The following BSPRY variants were observed in gnomAD, a reference collection of about 807,000 sequenced individuals.
BSPRY encodes the protein B-box and SPRY domain containing.
A neutral mutation model predicts 38.0 loss-of-function variants in BSPRY; 33 were observed. That is an observed-to-expected ratio of 0.87 (90% CI 0.66 to 1.16). BSPRY has a LOEUF of 1.16. BSPRY is among the 50% of genes most tolerant of loss of function. The probability of loss-of-function intolerance (pLI) is 0.00; values close to 1 mark genes in which losing one functional copy is unlikely to be tolerated. For missense variants in BSPRY, 523 were observed against 533.2 expected (o/e 0.98, Z 0.19); for synonymous variants, 224 against 228.5 (o/e 0.98, Z 0.18).
chr9:113,368,262 C>G lies in BSPRY; in HGVS notation c.561C>G (p.Thr187=). ...IQKEQEIFER[T]EEAEGILDPQ... Reference sequence around the variant, plus strand: ...TCTCTGTTTTTCCCCATATAAGGACCGAAGAAGCAGAGGGCATTTTGGATC... The same window carrying G: ...TCTCTGTTTTTCCCCATATAAGGACGGAAGAAGCAGAGGGCATTTTGGATC... The change falls in exon 5 of 6, where the codon ACC becomes ACG. Residue 187 remains threonine (T), a synonymous_variant. Coordinates refer to ENST00000374183, the MANE Select transcript of BSPRY (RefSeq NM_017688.3). 6.2e-7 allele frequency: 1 copy of G among 1,613,920 alleles called. No individual in the cohort carries two copies. Among genetic ancestry groups the G allele is most frequent in the Non-Finnish European group, 8.5e-7 (1 of 1,179,930 alleles).
intron 3 of BSPRY, among the ~76,000 whole-genome samples, chr9:113,361,875 A>T (rs1296382367): frequency 6.6e-6 from 1 of 152,176 alleles, no homozygotes; most frequent in African/African-American, 2.4e-5. Context: ...TCACAAGCAG[A>T]GGAAAGAGAA....
At chr9:113,359,485 G>A (rs1326414730) in intron 2 of BSPRY, among the ~76,000 whole-genome samples, 2 of 152,172 alleles carry the variant, frequency 1.3e-5, no homozygotes, top group South Asian at 2.1e-4. Flanking sequence ...AGGTCTTAAG[G>A]GACAGGGCAT....
rs769258216 is a variant in BSPRY at position 113,369,715 on chromosome 9, C to A, written c.782C>A (p.Ala261Asp). 1 of 1,614,120 alleles carries A rather than the reference C, an allele frequency of 6.2e-7. No individual in the cohort carries two copies. The highest frequency in any genetic ancestry group is 8.5e-7 in the Non-Finnish European group (1 of 1,180,050). ...ACCTTCAGCACCAAGAAGTCAAAGG[C>A]CTGTGCAGATGGCCCGGAGCGCTTC... ...TLTFSTKKSK[A>D]CADGPERFDH... The change falls in exon 6 of 6, where the codon GCC becomes GAC. Residue 261 changes from alanine to aspartate, a missense_variant. Coordinates refer to ENST00000374183, the MANE Select transcript of BSPRY (RefSeq NM_017688.3).
chr9:113,364,050 G>A (rs1277156414), intron 4 of BSPRY, among the ~76,000 whole-genome samples: 1 of 151,910 alleles, frequency 6.6e-6, no homozygotes, highest in Non-Finnish European at 1.5e-5. Context: ...GCTAGGTGCG[G>A]TAGCGTACCC....
intron 2 of BSPRY, 79 bp from the exon 3 acceptor site, chr9:113,360,428 T>A: frequency 7.4e-7 from 1 of 1,350,136 alleles, no homozygotes; most frequent in Non-Finnish European, 1.0e-6. Context: ...AACACTCCTT[T>A]CCACTGAGCC....
Position 113,369,917 on chromosome 9 carries a change from T to A in BSPRY, c.984T>A (p.Ser328=). 6.2e-7 allele frequency: 1 copy of A among 1,614,206 alleles called. No homozygotes were observed. The highest frequency in any genetic ancestry group is 8.5e-7 in the Non-Finnish European group (1 of 1,180,036). The part of the protein sequence containing the change: ...LGHNAFSWVF[S]RYDQEFRFSH... ...ACAATGCCTTCTCCTGGGTCTTCTC[T>A]CGCTATGATCAGGAGTTTCGTTTCT... The change falls in exon 6 of 6, where the codon TCT becomes TCA. Residue 328 remains serine (S), a synonymous_variant. Coordinates refer to ENST00000374183, the MANE Select transcript of BSPRY (RefSeq NM_017688.3).
At chr9:113,354,733 T>A (rs1834029641) in intron 2 of BSPRY, among the ~76,000 whole-genome samples, 1 of 152,188 alleles carries the variant, frequency 6.6e-6, no homozygotes, top group Non-Finnish European at 1.5e-5. Flanking sequence ...AATGGGTCCT[T>A]ATAGAGGTTA....
chr9:113,360,245 G>A (rs1017680694), intron 2 of BSPRY, among the ~76,000 whole-genome samples: 3 of 152,144 alleles, frequency 2.0e-5, no homozygotes, highest in East Asian at 3.9e-4. Context: ...GTCCTGCCCA[G>A]GTCTTCCATT....
At chr9:113,369,237 A>G (rs999038652) in intron 5 of BSPRY, among the ~76,000 whole-genome samples, 3 of 152,198 alleles carry the variant, frequency 2.0e-5, no homozygotes, top group African/African-American at 7.2e-5. Context: ...ACGTATAGGA[A>G]CAAAATGTTT....
rs774344945 is a variant in BSPRY, at chr9:113,369,922, ATGATCAG to A, written c.990_996del (p.Tyr330Ter). On this transcript the variant is annotated frameshift_variant, in exon 6 of 6. Transcript: ENST00000374183. LOFTEE classifies it high-confidence loss of function. The stretch of plus-strand genomic sequence containing the variant: ...GCCTTCTCCTGGGTCTTCTCTCGCT[ATGATCAG>A]GAGTTTCGTTTCTCACACAATGGGC... 5.6e-6 allele frequency: 9 copies of A among 1,614,048 alleles called. No homozygotes were observed. The highest frequency in any genetic ancestry group is 6.8e-6 in the Non-Finnish European group (8 of 1,180,020).
chr9:113,362,348 CTT>C lies in BSPRY; in HGVS notation c.532-19_532-18del. ...GCTGGGTATCTGGTGCCAAGCTTGA[CTT>C]TGTTTTCTTTTCTCACAGCAGAAGG... On this transcript the variant is annotated intron_variant, in intron 3 of 5. Transcript: ENST00000374183. 6.2e-7 allele frequency: 1 copy of C among 1,614,064 alleles called. No individual in the cohort carries two copies. The highest frequency in any genetic ancestry group is 1.1e-5 in the South Asian group (1 of 91,076).
At chr9:113,363,056 A>C (rs953297201) in intron 4 of BSPRY, among the ~76,000 whole-genome samples, 1 of 152,204 alleles carries the variant, frequency 6.6e-6, no homozygotes, top group Non-Finnish European at 1.5e-5. Context: ...TCTGTATTTC[A>C]ATGGGTATAA....
In BSPRY at chr9:113,354,343, T is replaced by C. The variant is rs754754848; in HGVS notation, c.300+5T>C. On this transcript the variant is annotated splice_donor_5th_base_variant and intron_variant, in intron 2 of 5. Coordinates refer to ENST00000374183, the MANE Select transcript of BSPRY (RefSeq NM_017688.3). ...GGGAAGAATCAAAGAGCAGTGGTAA[T>C]TCCTCTTCTTTCCTCTCTACTCAGC... 6.2e-7 allele frequency: 1 copy of C among 1,608,914 alleles called. No individual in the cohort carries two copies. Among genetic ancestry groups the C allele is most frequent in the Non-Finnish European group, 8.5e-7 (1 of 1,175,390 alleles).
At chr9:113,365,830 A>C (rs1330106196) in intron 4 of BSPRY, among the ~76,000 whole-genome samples, 1 of 106,688 alleles carries the variant, frequency 9.4e-6, no homozygotes, top group African/African-American at 3.8e-5. Flanking sequence ...TTTGAGATGG[A>C]GTCTTACTCT....
At chr9:113,368,177 T>C (rs1452885340) in intron 4 of BSPRY, 82 bp from the exon 5 acceptor site, 3 of 1,544,460 alleles carry the variant, frequency 1.9e-6, no homozygotes, top group African/African-American at 2.7e-5. Flanking sequence ...ATTTTACTTC[T>C]GTTCTTCTCT....
In BSPRY at chr9:113,360,576, G is replaced by T; in HGVS notation, c.370G>T (p.Glu124Ter). 6.2e-7 allele frequency: 1 copy of T among 1,608,770 alleles called. No individual in the cohort carries two copies. Among genetic ancestry groups the T allele is most frequent in the South Asian group, 1.1e-5 (1 of 89,662 alleles). Residue 124 changes from glutamate (E) to a stop codon, truncating the protein, a stop_gained, in exon 3 of 6, where the codon GAG becomes TAG. Transcript: ENST00000374183. LOFTEE classifies it high-confidence loss of function. ...LSLVRSLCES[E>*]EQRLLEQVHG... ...TCTGGTGAGGAGTCTTTGCGAGAGC[G>T]AGGAGCAGCGGTTACTGGAACAGGT...
chr9:113,369,102 G>T (rs1288728555), intron 5 of BSPRY, among the ~76,000 whole-genome samples: 1 of 151,870 alleles, frequency 6.6e-6, no homozygotes. Flanking sequence ...TGATTTACCA[G>T]CAGTTTAGAT....
chr9:113,350,663 GGGCTCT>G (rs1833957018), intron 1 of BSPRY, among the ~76,000 whole-genome samples: 1 of 152,126 alleles, frequency 6.6e-6, no homozygotes, highest in South Asian at 2.1e-4. Flanking sequence ...TGAAGCCTGA[GGGCTCT>G]GGCTGGGGAC....
Position 113,369,807 on chromosome 9 carries a change from G to A in BSPRY, c.874G>A (p.Val292Ile), listed in dbSNP as rs773227381. 2 of 1,614,248 alleles carry A rather than the reference G, an allele frequency of 1.2e-6. No homozygotes were observed. Among genetic ancestry groups the A allele is most frequent in the South Asian group, 1.1e-5 (1 of 91,090 alleles). Residue 292 changes from valine (V) to isoleucine (I), a missense_variant, in exon 6 of 6, where the codon GTC becomes ATC. Physicochemically the swap from Val to Ile is conservative, Grantham distance 29. Coordinates refer to ENST00000374183, the MANE Select transcript of BSPRY (RefSeq NM_017688.3). ...QNGLHAWMVN[V>I]QNSCAYKVGV... ...TGGGCTCCATGCCTGGATGGTGAAT[G>A]TCCAGAACAGTTGTGCCTATAAGGT...
Sources: gnomAD v4.1 joint callset for allele counts (sites outside exome capture counted in the v4.1 genomes callset) on GRCh38, gnomAD v4.1.1 for gene constraint, MANE v1.5 for transcripts, NCBI Gene and HGNC (gene_info 2026-07-23, HGNC 2026-07-21) for gene names.